CPNE8: variants seen among roughly 807,000 people sequenced by gnomAD.
CPNE8 encodes the protein copine 8, also known as copine-8.
A neutral mutation model predicts 81.5 loss-of-function variants in CPNE8; 45 were observed. The ratio of observed to expected loss-of-function variants is 0.55; its 90% CI spans 0.44 to 0.71. The LOEUF is 0.71. CPNE8 is among the 30% of genes least tolerant of loss of function. The pLI, the probability that CPNE8 is intolerant of heterozygous loss-of-function variation, is 0.00. For missense variants in CPNE8, 594 were observed against 672.1 expected, an observed-to-expected ratio of 0.88 and a Z score of 1.28; for synonymous variants, 252 against 226.3, an observed-to-expected ratio of 1.11 and a Z score of -1.02.
At chr12:38,900,404 A>G (rs1356555429) in intron 1 of CPNE8, among the ~76,000 whole-genome samples, 1 of 152,220 alleles carries the variant, frequency 6.6e-6, no homozygotes, top group Admixed American at 6.5e-5. Context: ...CAATTTGGCT[A>G]TAGAACTGCA....
intron 5 of CPNE8, among the ~76,000 whole-genome samples, chr12:38,830,618 A>T (rs563309356): frequency 6.6e-6 from 1 of 152,334 alleles, no homozygotes; most frequent in South Asian, 2.1e-4. Context: ...ACTGAACACG[A>T]CCAAGAAAAT....
At chr12:38,894,653 A>G (rs1592161294) in intron 1 of CPNE8, among the ~76,000 whole-genome samples, 1 of 75,168 alleles carries the variant, frequency 1.3e-5, no homozygotes, top group African/African-American at 7.3e-5. Flanking sequence ...CTCTCACTCC[A>G]GCTCACTCTC....
At chr12:38,860,610 G>A (rs1314198238) in intron 3 of CPNE8, among the ~76,000 whole-genome samples, 2 of 150,656 alleles carry the variant, frequency 1.3e-5, no homozygotes, top group African/African-American at 2.4e-5. Flanking sequence ...ACACTCCTAT[G>A]TTCATTACAG....
chr12:38,779,184 C>A (rs140310723), intron 6 of CPNE8, among the ~76,000 whole-genome samples: 1 of 152,136 alleles, frequency 6.6e-6, no homozygotes, highest in African/African-American at 2.4e-5. Context: ...ATGCAAAGAT[C>A]TTTATAAATG....
intron 16 of CPNE8, among the ~76,000 whole-genome samples, chr12:38,680,189 G>A (rs1939379064): frequency 6.6e-6 from 1 of 151,878 alleles, no homozygotes; most frequent in African/African-American, 2.4e-5. Flanking sequence ...TTCTATAAAA[G>A]TTCATATCTG....
intron 13 of CPNE8, among the ~76,000 whole-genome samples, chr12:38,711,936 C>G (rs955950380): frequency 6.6e-6 from 1 of 151,908 alleles, no homozygotes; most frequent in African/African-American, 2.4e-5. Context: ...TGATAATGTT[C>G]CATGTGAAAA....
At chr12:38,737,359 A>G (rs1940979895) in intron 10 of CPNE8, among the ~76,000 whole-genome samples, 1 of 152,120 alleles carries the variant, frequency 6.6e-6, no homozygotes, top group Non-Finnish European at 1.5e-5. Context: ...AAGAACAAAT[A>G]TACACATATA....
chr12:38,699,443 G>GAC (rs1565572876), intron 14 of CPNE8, among the ~76,000 whole-genome samples: 2 of 152,162 alleles, frequency 1.3e-5, no homozygotes, highest in African/African-American at 4.8e-5. Context: ...ACAGCACACT[G>GAC]ATAACTGATA....
intron 6 of CPNE8, among the ~76,000 whole-genome samples, chr12:38,805,858 C>G (rs187288472): frequency 0.014 from 2,139 of 149,086 alleles, 110 homozygotes; most frequent in Non-Finnish European, 0.024. Context: ...AGACCACTAG[C>G]AAGACTAATA....
chr12:38,788,130 G>C (rs1249026167), intron 6 of CPNE8, among the ~76,000 whole-genome samples: 1 of 151,804 alleles, frequency 6.6e-6, no homozygotes, highest in Admixed American at 6.6e-5. Context: ...ATATTACCCT[G>C]ATAACAAAAG....
intron 19 of CPNE8, among the ~76,000 whole-genome samples, chr12:38,658,962 C>T (rs1407778406): frequency 6.6e-6 from 1 of 152,104 alleles, no homozygotes; most frequent in Non-Finnish European, 1.5e-5. Context: ...AGTGTAAAGA[C>T]CATCAATGCT....
At chr12:38,680,113 TTGTC>T (rs1452201907) in intron 16 of CPNE8, among the ~76,000 whole-genome samples, 2 of 151,920 alleles carry the variant, frequency 1.3e-5, no homozygotes, top group African/African-American at 2.4e-5. Context: ...GAGGTTAACT[TTGTC>T]AGGGCAGTAC....
intron 6 of CPNE8, among the ~76,000 whole-genome samples, chr12:38,783,821 C>T (rs898822275): frequency 1.3e-5 from 2 of 152,186 alleles, no homozygotes; most frequent in East Asian, 1.9e-4. Flanking sequence ...TGGGCTTTGG[C>T]CCCTAAAGTA....
chr12:38,784,777 G>A (rs1942139729), intron 6 of CPNE8, among the ~76,000 whole-genome samples: 1 of 152,114 alleles, frequency 6.6e-6, no homozygotes, highest in Non-Finnish European at 1.5e-5. Flanking sequence ...AATATACCTG[G>A]TGAAAGTATC....
intron 18 of CPNE8, among the ~76,000 whole-genome samples, chr12:38,675,119 C>T (rs57240072): frequency 0.04 from 6,063 of 152,194 alleles, 358 homozygotes; most frequent in East Asian, 0.32. Context: ...GAAAAACTAC[C>T]CAGTATGCCA....
intron 10 of CPNE8, among the ~76,000 whole-genome samples, chr12:38,754,083 A>G (rs190762399): frequency 7.4e-4 from 113 of 152,358 alleles, no homozygotes; most frequent in Middle Eastern, 3.4e-3. Flanking sequence ...AGAGGGATTA[A>G]ATGACTTTCA....
chr12:38,847,653 A>G (rs899786105), intron 4 of CPNE8, among the ~76,000 whole-genome samples: 1 of 152,194 alleles, frequency 6.6e-6, no homozygotes, highest in African/African-American at 2.4e-5. Flanking sequence ...AAACACAAGC[A>G]CTGCAGGTTA....
At chr12:38,699,503 C>T (rs1234623155) in intron 14 of CPNE8, among the ~76,000 whole-genome samples, 1 of 152,188 alleles carries the variant, frequency 6.6e-6, no homozygotes, top group African/African-American at 2.4e-5. Context: ...TCTTAGAAGT[C>T]TTTCCATATT....
intron 13 of CPNE8, among the ~76,000 whole-genome samples, chr12:38,704,854 A>G (rs1467659091): frequency 1.5e-5 from 2 of 134,488 alleles, no homozygotes; most frequent in East Asian, 2.1e-4. Context: ...ATATATATAT[A>G]TATATATATT....
Sources: allele counts gnomAD v4.1 joint callset (sites outside exome capture counted in the v4.1 genomes callset), GRCh38; gene constraint gnomAD v4.1.1; transcripts MANE v1.5; gene names NCBI Gene and HGNC (gene_info 2026-07-23, HGNC 2026-07-21).